Variants in IPO8 observed in about 807,000 individuals in gnomAD.
IPO8 encodes importin 8, also known as importin-8.
A neutral mutation model predicts 141.2 loss-of-function variants in IPO8; 65 were observed. The ratio of observed to expected loss-of-function variants is 0.46; its 90% confidence interval spans 0.38 to 0.57. The LOEUF is 0.57. Among genes scored for constraint, IPO8 ranks in the 20% least tolerant of loss-of-function variants. The probability of loss-of-function intolerance (pLI) is 0.00; values close to 1 mark genes in which losing one functional copy is unlikely to be tolerated. For synonymous variants in IPO8, 411 were observed against 420.3 expected (o/e 0.98, Z 0.27); for missense variants, 980 against 1,246.8 (o/e 0.79, Z 3.22).
chr12:30,692,272 CAG>C (rs936608159), intron 1 of IPO8, among the ~76,000 whole-genome samples: 25 of 152,298 alleles, frequency 1.6e-4, no homozygotes, highest in African/African-American at 5.8e-4. Context: ...ATACCTATTG[CAG>C]AGACTTTTAT....
At position 30,669,300 on chromosome 12, in the gene IPO8, A is replaced by T; in HGVS notation, c.1045-18T>A. On this transcript the variant is annotated intron_variant, in intron 9 of 24. Transcript: ENST00000256079. The stretch of plus-strand genomic sequence containing the variant: ...GAGATATTCTAAAATGAGAAAAAAA[A>T]AAAAACGTAACAAATGGGTATAGGC... 1 of 1,286,578 alleles carries T rather than the reference A, an allele frequency of 7.8e-7. No homozygotes were observed. The highest frequency in any genetic ancestry group is 1.1e-6 in the Non-Finnish European group (1 of 910,470). The allele number at this position is 1,286,578 out of a possible 1,614,324, so 79.7% of individuals were successfully genotyped here.
At chr12:30,668,875 G>A (rs1300086183) in intron 10 of IPO8, among the ~76,000 whole-genome samples, 5 of 152,160 alleles carry the variant, frequency 3.3e-5, no homozygotes, top group Non-Finnish European at 7.3e-5. Context: ...ATCTATAAAT[G>A]AGTCTCCCAA....
chr12:30,631,781 G>GT (rs1401135357), intron 24 of IPO8, 114 bp downstream of exon 24: 1 of 662,002 alleles, frequency 1.5e-6, no homozygotes, highest in East Asian at 2.6e-5. Flanking sequence ...ATCTTAAAGG[G>GT]TAAGTCTCTA....
At position 30,630,899 on chromosome 12, in the gene IPO8, G is replaced by A; in HGVS notation, c.3075C>T (p.Leu1025=). ...GCACAGTCCCAAAATTAAATGCGGAGAGGACTCCTTTGTTTTCAAAGGTGA... is the reference window on the plus strand; with the variant it reads ...GCACAGTCCCAAAATTAAATGCGGAAAGGACTCCTTTGTTTTCAAAGGTGA... ...GGFTFENKGV[L]SAFNFGTVPS... is the part of the protein sequence containing the mutation. Residue 1025 remains leucine, a synonymous_variant, in exon 25 of 25, where the codon CTC becomes CTT. Coordinates refer to ENST00000256079, the MANE Select transcript of IPO8 (RefSeq NM_006390.4). 2.5e-6 allele frequency: 4 copies of A among 1,613,792 alleles called. No homozygotes were observed. Among genetic ancestry groups the A allele is most frequent in the South Asian group, 1.1e-5 (1 of 91,068 alleles).
intron 6 of IPO8, among the ~76,000 whole-genome samples, chr12:30,676,176 T>A (rs1304806305): frequency 1.3e-5 from 2 of 152,132 alleles, no homozygotes; most frequent in Non-Finnish European, 2.9e-5. Flanking sequence ...TCCTCCCAGC[T>A]TGGCCTCCCA....
chr12:30,686,920 A>C (rs1484392402), intron 2 of IPO8, among the ~76,000 whole-genome samples: 1 of 152,134 alleles, frequency 6.6e-6, no homozygotes. Flanking sequence ...GCCTAAATAA[A>C]TGTACAATGA....
At chr12:30,690,720 T>C in intron 1 of IPO8, 143 bp from the exon 2 acceptor site, 1 of 514,654 alleles carries the variant, frequency 1.9e-6, no homozygotes, top group East Asian at 3.2e-5. Context: ...AAAATGAAGA[T>C]TACTAAAATA....
intron 10 of IPO8, among the ~76,000 whole-genome samples, chr12:30,667,317 A>G (rs2052980353): frequency 6.6e-6 from 1 of 152,198 alleles, no homozygotes; most frequent in African/African-American, 2.4e-5. Context: ...ACCTGTCCAC[A>G]GTCACACAGC....
At chr12:30,640,847 G>A (rs2052565594) in intron 20 of IPO8, among the ~76,000 whole-genome samples, 1 of 152,132 alleles carries the variant, frequency 6.6e-6, no homozygotes, top group South Asian at 2.1e-4. Context: ...ATAGCTAGGA[G>A]GAGGACATTG....
At chr12:30,682,613 A>T (rs2053200299) in intron 3 of IPO8, among the ~76,000 whole-genome samples, 1 of 152,134 alleles carries the variant, frequency 6.6e-6, no homozygotes, top group Non-Finnish European at 1.5e-5. Context: ...TAGGGGGAAA[A>T]ATTTCTTTTC....
chr12:30,689,146 G>C (rs910650485), intron 2 of IPO8, among the ~76,000 whole-genome samples: 1 of 152,006 alleles, frequency 6.6e-6, no homozygotes, highest in Non-Finnish European at 1.5e-5. Context: ...AAGAATTGGA[G>C]AGCCACGCAT....
In IPO8 at chr12:30,692,235, A is replaced by C. The variant is rs150850194; in HGVS notation, c.85-1658T>G. Among the ~76,000 whole-genome samples, 8 of 152,364 alleles carry C rather than the reference A, an allele frequency of 5.3e-5. No homozygotes were observed. The East Asian group carries it at 1.5e-3, about 29-fold the overall frequency. ...ACATACAAAATAACCTTTACACTTA[A>C]ATAAATGCTACTTATTTGAAAGTAA... On this transcript the variant is annotated intron_variant, in intron 1 of 24. Coordinates refer to ENST00000256079, the MANE Select transcript of IPO8 (RefSeq NM_006390.4).
At chr12:30,653,735 A>G (rs1212254624) in intron 17 of IPO8, among the ~76,000 whole-genome samples, 1 of 152,042 alleles carries the variant, frequency 6.6e-6, no homozygotes, top group Non-Finnish European at 1.5e-5. Flanking sequence ...ACAAATCTCA[A>G]CAAAAATTTC....
intron 12 of IPO8, 55 bp downstream of exon 12, chr12:30,665,674 C>A: frequency 9.0e-7 from 1 of 1,107,042 alleles, no homozygotes; most frequent in South Asian, 1.3e-5. Context: ...CATATTCTCT[C>A]ATTTGCCTGT....
chr12:30,640,382 T>G (rs889069480), intron 20 of IPO8, among the ~76,000 whole-genome samples: 2 of 148,826 alleles, frequency 1.3e-5, no homozygotes, highest in African/African-American at 5.0e-5. Flanking sequence ...ATTAAACTTT[T>G]AAAAAAATCA....
intron 3 of IPO8, 33 bp from the exon 4 acceptor site, chr12:30,681,850 A>T (rs753563361): frequency 1.3e-6 from 2 of 1,562,510 alleles, no homozygotes; most frequent in South Asian, 2.3e-5. Context: ...CCAAAATCTA[A>T]GTAATTATAA....
At chr12:30,646,647 A>G (rs139382206) in intron 20 of IPO8, among the ~76,000 whole-genome samples, 6 of 152,356 alleles carry the variant, frequency 3.9e-5, no homozygotes, top group Non-Finnish European at 8.8e-5. Context: ...GTTGCAGGAT[A>G]CAAGATAAAC....
chr12:30,630,818 T>C lies in IPO8; in HGVS notation c.*42A>G. 1 of 1,507,010 alleles carries C rather than the reference T, an allele frequency of 6.6e-7. No homozygotes were observed. Among genetic ancestry groups the C allele is most frequent in the Non-Finnish European group, 9.2e-7 (1 of 1,085,598 alleles). 93.4% of individuals were successfully genotyped at this position (1,507,010 alleles called of 1,614,324 possible). A position where few individuals can be genotyped will look rare whatever the true frequency, so the allele number is the denominator to read the frequency against. On this transcript the variant is annotated 3_prime_UTR_variant, in exon 25 of 25. Coordinates refer to ENST00000256079, the MANE Select transcript of IPO8 (RefSeq NM_006390.4). ...TGACCCTCACACTCCTCTTGTGAAATAAAATGCAGCGATGACATTTGGTCA... is the reference window on the plus strand; with the variant it reads ...TGACCCTCACACTCCTCTTGTGAAACAAAATGCAGCGATGACATTTGGTCA...
Position 30,665,735 on chromosome 12 carries a change from TA to T in IPO8, c.1331del (p.Leu444TyrfsTer2). On this transcript the variant is annotated frameshift_variant, in exon 12 of 25. Transcript: ENST00000256079. LOFTEE classifies it high-confidence loss of function. The stretch of plus-strand genomic sequence containing the variant: ...AAATTTTGATTATCTTAACCTTCAG[TA>T]AAATCTCAGCTAGGGAACCAATCAC... ...LHVIGSLAEI[L>X]LKKSLFKDQM... is the part of the protein sequence containing the mutation. 6.3e-7 allele frequency: 1 copy of T among 1,592,954 alleles called. No homozygotes were observed.
Sources: allele counts gnomAD v4.1 joint callset (sites outside exome capture counted in the v4.1 genomes callset), GRCh38; gene constraint gnomAD v4.1.1; transcripts MANE v1.5; gene names NCBI Gene and HGNC (gene_info 2026-07-23, HGNC 2026-07-21).